PRKDC: variants seen among roughly 807,000 people sequenced by gnomAD.
PRKDC encodes DNA-dependent protein kinase catalytic subunit.
A neutral mutation model predicts 486.9 loss-of-function variants in PRKDC; 82 were observed. That is an observed-to-expected ratio of 0.17 (90% CI 0.14 to 0.20). The LOEUF is 0.20. Among genes scored for constraint, PRKDC ranks in the 10% least tolerant of loss-of-function variants. The probability of loss-of-function intolerance (pLI) is 1.00; values close to 1 mark genes in which losing one functional copy is unlikely to be tolerated. For missense variants in PRKDC, 4,504 were observed against 5,038.2 expected (o/e 0.89, Z 3.21); for synonymous variants, 1,895 against 1,837.0 (o/e 1.03, Z -0.81).
intron 62 of PRKDC, 60 bp downstream of exon 62, chr8:47,828,107 GA>G: frequency 4.7e-6 from 7 of 1,488,538 alleles, no homozygotes; most frequent in Non-Finnish European, 6.5e-6. Flanking sequence ...AGTGATGATG[GA>G]AAGGCCATGT....
intron 35 of PRKDC, among the ~76,000 whole-genome samples, chr8:47,886,517 G>A (rs564918112): frequency 7.6e-4 from 116 of 151,864 alleles, no homozygotes; most frequent in Middle Eastern, 6.8e-3. Context: ...CAGCACCCCC[G>A]AGTATCTGGA....
At chr8:47,796,996 TA>T (rs34599615) in intron 73 of PRKDC, among the ~76,000 whole-genome samples, 1 of 152,186 alleles carries the variant, frequency 6.6e-6, no homozygotes, top group South Asian at 2.1e-4. Flanking sequence ...CAAGACCATT[TA>T]AAAAAATGTG....
chr8:47,803,547 G>C, intron 69 of PRKDC, 67 bp from the exon 70 acceptor site: 1 of 1,485,210 alleles, frequency 6.7e-7, no homozygotes, highest in Non-Finnish European at 9.4e-7. Context: ...GTTTCTAATT[G>C]GCCTGCTTCC....
rs942736853 is a variant in PRKDC, at chr8:47,837,673, T to C, written c.7554-254A>G. On this transcript the variant is annotated intron_variant, in intron 56 of 85. Coordinates refer to ENST00000314191, the MANE Select transcript of PRKDC (RefSeq NM_006904.7). ...GAGGGGAGAAACTGGGTGATTTTAT[T>C]CTCTTATCTCTATTCTCTGGGAAGT... Among the ~76,000 whole-genome samples the C allele has an allele frequency of 2.0e-5, 3 of 152,052 alleles. No individual in the cohort carries two copies. The South Asian group carries it at 6.2e-4, about 32-fold the overall frequency.
intron 16 of PRKDC, among the ~76,000 whole-genome samples, chr8:47,932,609 T>G (rs947311937): frequency 1.3e-5 from 2 of 152,174 alleles, no homozygotes; most frequent in East Asian, 3.9e-4. Context: ...TATCTATATT[T>G]TCCTATATCA....
chr8:47,789,495 G>T (rs1226273707), intron 74 of PRKDC, among the ~76,000 whole-genome samples: 1 of 151,772 alleles, frequency 6.6e-6, no homozygotes, highest in Non-Finnish European at 1.5e-5. Context: ...AATTAATACC[G>T]ATCCTACTCA....
chr8:47,903,341 C>T (rs942778619), intron 26 of PRKDC, among the ~76,000 whole-genome samples: 2 of 152,218 alleles, frequency 1.3e-5, no homozygotes, highest in African/African-American at 4.8e-5. Context: ...ATGTATTCTA[C>T]TTTATGCTTT....
rs199932047 is a variant in PRKDC at position 47,855,385 on chromosome 8, C to G, written c.6610-12G>C. The G allele has an allele frequency of 1.7e-4, 268 of 1,579,520 alleles. No individual in the cohort carries two copies. The highest frequency in any genetic ancestry group is 2.1e-4 in the Non-Finnish European group (243 of 1,163,300). On this transcript the variant is annotated splice_polypyrimidine_tract_variant and intron_variant, in intron 49 of 85. Transcript: ENST00000314191. ...TCTTTAGGGACCCCCTGAAAAGGTA[C>G]AGAAATTCTGTATTAATATGCGGCA... is the stretch of plus-strand genomic sequence containing the variant.
chr8:47,823,108 A>G (rs1417720886), intron 64 of PRKDC, among the ~76,000 whole-genome samples: 2 of 152,206 alleles, frequency 1.3e-5, no homozygotes, highest in South Asian at 4.1e-4. Context: ...AGGCCCAGGC[A>G]TGATGGCTTG....
At chr8:47,957,093 A>G (rs757670700) in intron 3 of PRKDC, 78 bp downstream of exon 3, 184 of 975,782 alleles carry the variant, frequency 1.9e-4, no homozygotes, top group Non-Finnish European at 2.3e-4. Flanking sequence ...CTTTAAAATA[A>G]AAATCCAAGT....
chr8:47,917,308 ATATATT>A (rs1207155211), intron 22 of PRKDC, among the ~76,000 whole-genome samples: 1 of 152,132 alleles, frequency 6.6e-6, no homozygotes, highest in Non-Finnish European at 1.5e-5. Context: ...AAAACTAGAG[ATATATT>A]TATTTTATCC....
intron 21 of PRKDC, among the ~76,000 whole-genome samples, chr8:47,919,186 T>C (rs1372268331): frequency 1.3e-5 from 2 of 152,222 alleles, no homozygotes; most frequent in African/African-American, 2.4e-5. Context: ...CACCTAAGAA[T>C]GTTTTTAATT....
At chr8:47,836,795 C>A (rs2088034820) in intron 57 of PRKDC, among the ~76,000 whole-genome samples, 1 of 152,198 alleles carries the variant, frequency 6.6e-6, no homozygotes, top group East Asian at 1.9e-4. Context: ...AGCACCACAA[C>A]CCAAATGCAA....
chr8:47,803,221 T>C (rs1342025239), intron 70 of PRKDC, 85 bp downstream of exon 70: 3 of 1,298,710 alleles, frequency 2.3e-6, no homozygotes, highest in African/African-American at 1.5e-5. Flanking sequence ...AAATGTCAGA[T>C]GATGCAGCAC....
intron 58 of PRKDC, 45 bp downstream of exon 58, chr8:47,836,293 G>A (rs2088019927): frequency 1.4e-6 from 2 of 1,457,052 alleles, no homozygotes; most frequent in African/African-American, 1.4e-5. Flanking sequence ...TGCCCACAGA[G>A]GTCAGGGTGC....
chr8:47,861,685 G>C (rs977457485), intron 44 of PRKDC, among the ~76,000 whole-genome samples: 4 of 152,340 alleles, frequency 2.6e-5, no homozygotes, highest in Admixed American at 2.0e-4. Context: ...CCATCTGCCA[G>C]AGCAAGTCTT....
chr8:47,794,319 A>G lies in PRKDC; in HGVS notation c.10641T>C (p.Thr3547=). The G allele has an allele frequency of 6.2e-7, 1 of 1,613,218 alleles. No individual in the cohort carries two copies. Among genetic ancestry groups the G allele is most frequent in the Middle Eastern group, 1.7e-4 (1 of 6,060 alleles). Residue 3547 remains threonine, a synonymous_variant, in exon 74 of 86, where the codon ACT becomes ACC. Coordinates refer to ENST00000314191, the MANE Select transcript of PRKDC (RefSeq NM_006904.7). ...SESYSFKDTS[T]GHKNKEFVAR... is the part of the protein sequence containing the mutation. ...CCACAAACTCCTTATTCTTATGACC[A>G]GTAGAAGTATCCTTGAAGGAATAGC...
chr8:47,808,777 T>G (rs2087265605), intron 68 of PRKDC, among the ~76,000 whole-genome samples: 1 of 152,182 alleles, frequency 6.6e-6, no homozygotes, highest in South Asian at 2.1e-4. Flanking sequence ...AGTAAATTTC[T>G]GTTGTTTTTC....
rs8178140 is a variant in PRKDC, at chr8:47,859,841, A to G, written c.6059-82T>C. ...TATTTCTCTAAATTCAAATGATATG[A>G]AAATTAAAGCACATTTTAATCTAAG... On this transcript the variant is annotated intron_variant, in intron 45 of 85. Coordinates refer to ENST00000314191, the MANE Select transcript of PRKDC (RefSeq NM_006904.7). 2.6e-3 allele frequency: 3,439 copies of G among 1,342,844 alleles called. 83 individuals carry two copies. In the African/African-American group the frequency reaches 0.045, roughly 18 times the overall value. 83.2% of individuals were successfully genotyped at this position (1,342,844 alleles called of 1,614,324 possible).
Sources: gnomAD v4.1 joint callset for allele counts (sites outside exome capture counted in the v4.1 genomes callset) on GRCh38, gnomAD v4.1.1 for gene constraint, MANE v1.5 for transcripts, NCBI Gene and HGNC (gene_info 2026-07-23, HGNC 2026-07-21) for gene names.